MCMDC2: variants seen among roughly 807,000 people sequenced by gnomAD.
MCMDC2 encodes minichromosome maintenance domain containing 2.
In MCMDC2, 54 loss-of-function variants were observed where a neutral mutation model predicts 75.8. That is an observed-to-expected ratio of 0.71 (90% confidence interval 0.57 to 0.89). The LOEUF is 0.89. Ranked by LOEUF, MCMDC2 falls within the 40% of genes least tolerant of loss-of-function variation. The probability of loss-of-function intolerance (pLI) is 0.00; values close to 1 mark genes in which losing one functional copy is unlikely to be tolerated. For missense variants in MCMDC2, 656 were observed against 780.4 expected (o/e 0.84, Z 1.90); for synonymous variants, 249 against 274.6 (o/e 0.91, Z 0.92).
chr8:66,877,980 G>A (rs1401471703), intron 5 of MCMDC2, among the ~76,000 whole-genome samples: 4 of 151,492 alleles, frequency 2.6e-5, no homozygotes, highest in African/African-American at 9.7e-5. Flanking sequence ...GTCTCCTAAT[G>A]TTTATATATT....
downstream of MCMDC2, chr8:66,922,814 C>A (rs1813604255): frequency 4.1e-6 from 1 of 241,982 alleles, no homozygotes; most frequent in Non-Finnish European, 8.4e-6. Flanking sequence ...AGAAGAGAAT[C>A]TCATTCCTTT....
chr8:66,923,925 C>T (rs367987876), downstream of MCMDC2, among the ~76,000 whole-genome samples: 1 of 151,958 alleles, frequency 6.6e-6, no homozygotes, highest in African/African-American at 2.4e-5. Flanking sequence ...GCTATCCACA[C>T]CACCCCCCTC....
intron 1 of MCMDC2, chr8:66,871,514 G>A (rs1431381171): frequency 6.6e-6 from 1 of 152,080 alleles, no homozygotes; most frequent in Admixed American, 6.6e-5. Flanking sequence ...TAATGCCCTG[G>A]ATCAGGCCAT....
intron 11 of MCMDC2, 100 bp downstream of exon 11, chr8:66,896,436 C>A: frequency 8.9e-7 from 1 of 1,120,696 alleles, no homozygotes; most frequent in Non-Finnish European, 1.2e-6. Flanking sequence ...TGTTTCTATA[C>A]TTTATTGAGT....
chr8:66,911,493 A>C (rs780184910), intron 14 of MCMDC2, among the ~76,000 whole-genome samples: 6 of 152,226 alleles, frequency 3.9e-5, no homozygotes, highest in Non-Finnish European at 7.3e-5. Context: ...AAAATGGACT[A>C]GTACGGTGAC....
chr8:66,878,884 C>A lies in MCMDC2; in HGVS notation c.674C>A (p.Pro225Gln). The A allele has an allele frequency of 6.2e-7, 1 of 1,609,524 alleles. No individual in the cohort carries two copies. Among genetic ancestry groups the A allele is most frequent in the South Asian group, 1.1e-5 (1 of 90,512 alleles). The change falls in exon 7 of 15, where the codon CCA becomes CAA. Residue 225 changes from proline to glutamine, a missense_variant. Transcript: ENST00000422365. ...RAFQGYSNNQ[P>Q]FRFQSLTIFL... ...TTTCAAGGATATTCTAACAACCAGC[C>A]ATTTAGGTTTCAATCACTTACAATT... is the stretch of plus-strand genomic sequence containing the variant.
intron 1 of MCMDC2, among the ~76,000 whole-genome samples, chr8:66,873,613 C>T (rs747385105): frequency 3.3e-5 from 5 of 151,970 alleles, no homozygotes; most frequent in Admixed American, 6.6e-5. Flanking sequence ...TTGGGCTGGG[C>T]GCGATGGCTC....
chr8:66,909,883 C>T (rs1346827516), intron 14 of MCMDC2, among the ~76,000 whole-genome samples: 2 of 152,186 alleles, frequency 1.3e-5, no homozygotes, highest in East Asian at 3.8e-4. Context: ...GCAGCCCCTC[C>T]CCTCATAGTC....
chr8:66,873,669 C>T (rs1351023849), intron 1 of MCMDC2, among the ~76,000 whole-genome samples: 1 of 152,010 alleles, frequency 6.6e-6, no homozygotes. Context: ...TGGCGGATCA[C>T]GAGGTCAGGA....
intron 10 of MCMDC2, among the ~76,000 whole-genome samples, chr8:66,892,768 C>A (rs762138967): frequency 5.9e-5 from 9 of 152,146 alleles, no homozygotes; most frequent in Non-Finnish European, 1.2e-4. Flanking sequence ...TGGGTTCCAC[C>A]AGGGACCTGC....
chr8:66,906,309 T>G (rs780939819), intron 14 of MCMDC2, among the ~76,000 whole-genome samples: 13 of 152,208 alleles, frequency 8.5e-5, no homozygotes, highest in Non-Finnish European at 1.6e-4. Context: ...AGCTTTCCTG[T>G]GTGTATGTGC....
Position 66,919,248 on chromosome 8 carries a change from A to C in MCMDC2, c.*79A>C. The C allele has an allele frequency of 8.8e-7, 1 of 1,135,854 alleles. No homozygotes were observed. Among genetic ancestry groups the C allele is most frequent in the African/African-American group, 1.6e-5 (1 of 63,624 alleles). 70.4% of individuals were successfully genotyped at this position (1,135,854 alleles called of 1,614,324 possible). On this transcript the variant is annotated 3_prime_UTR_variant, in exon 15 of 15. Transcript: ENST00000422365. Reference sequence around the variant, plus strand: ...ACTATTTTGAGAGTGACTTTGAAGTAATGCTTTGATAATACTCTGTACAGG... The same window carrying C: ...ACTATTTTGAGAGTGACTTTGAAGTCATGCTTTGATAATACTCTGTACAGG...
At chr8:66,885,126 G>A (rs1811774928) in intron 9 of MCMDC2, among the ~76,000 whole-genome samples, 1 of 151,998 alleles carries the variant, frequency 6.6e-6, no homozygotes, top group African/African-American at 2.4e-5. Flanking sequence ...GAGGTCAGGA[G>A]ATCGAGACCA....
At chr8:66,918,769 C>CTGAA (rs1325703708) in intron 14 of MCMDC2, among the ~76,000 whole-genome samples, 1 of 152,146 alleles carries the variant, frequency 6.6e-6, no homozygotes, top group Non-Finnish European at 1.5e-5. Flanking sequence ...TGTGCACTTA[C>CTGAA]TGAACCTGCT....
chr8:66,877,950 A>T (rs1303995618), intron 5 of MCMDC2, among the ~76,000 whole-genome samples: 1 of 152,128 alleles, frequency 6.6e-6, no homozygotes, highest in Non-Finnish European at 1.5e-5. Flanking sequence ...AAATAGAAAA[A>T]AATTGAATAA....
intron 1 of MCMDC2, among the ~76,000 whole-genome samples, chr8:66,873,578 A>C (rs1308713890): frequency 6.6e-6 from 1 of 152,076 alleles, no homozygotes; most frequent in African/African-American, 2.4e-5. Flanking sequence ...GGAGGATCTC[A>C]TAACAGTCTT....
At position 66,891,031 on chromosome 8, in the gene MCMDC2, GCTTC is replaced by G; in HGVS notation, c.1241_1244del (p.Ala414AspfsTer36). 1 of 1,590,550 alleles carries G rather than the reference GCTTC, an allele frequency of 6.3e-7. No individual in the cohort carries two copies. Among genetic ancestry groups the G allele is most frequent in the South Asian group, 1.2e-5 (1 of 85,780 alleles). The stretch of plus-strand genomic sequence containing the variant: ...TGGTATCTGCTTTATAGGAGACTTG[GCTTC>G]ACACAAAAAAGATAAACTTGAACAG... On this transcript the variant is annotated frameshift_variant, in exon 10 of 15. Transcript: ENST00000422365. LOFTEE classifies it high-confidence loss of function.
At chr8:66,874,697 C>T in intron 4 of MCMDC2, 111 bp downstream of exon 4, 1 of 942,478 alleles carries the variant, frequency 1.1e-6, no homozygotes, top group Non-Finnish European at 1.6e-6. Context: ...TACTTTTTTT[C>T]AAAATTCAAT....
At chr8:66,889,145 T>C (rs1033827468) in intron 9 of MCMDC2, among the ~76,000 whole-genome samples, 5 of 152,236 alleles carry the variant, frequency 3.3e-5, no homozygotes, top group African/African-American at 1.2e-4. Context: ...TGCCTACTTT[T>C]GTATCACCCC....
Sources: allele counts gnomAD v4.1 joint callset (sites outside exome capture counted in the v4.1 genomes callset), GRCh38; gene constraint gnomAD v4.1.1; transcripts MANE v1.5; gene names NCBI Gene and HGNC (gene_info 2026-07-23, HGNC 2026-07-21).